The following ADORA2B variants were observed in gnomAD, a reference collection of about 807,000 sequenced individuals.
ADORA2B encodes the protein adenosine receptor A2b.
Under a neutral mutation model 20.8 loss-of-function variants are expected in ADORA2B, and 18 were observed. That is an observed-to-expected ratio of 0.87 (90% CI 0.60 to 1.29). ADORA2B has a LOEUF of 1.29. ADORA2B is among the 50% of genes most tolerant of loss of function. The probability of loss-of-function intolerance (pLI) is 0.00; values close to 1 mark genes in which losing one functional copy is unlikely to be tolerated. For synonymous variants in ADORA2B, 179 were observed against 178.3 expected (o/e 1.00, Z -0.03); for missense variants, 441 against 422.7 (o/e 1.04, Z -0.38).
At chr17:15,941,605 G>A (rs937665532), upstream of ADORA2B, among the ~76,000 whole-genome samples, 1 of 151,970 alleles carries the variant, frequency 6.6e-6, no homozygotes, top group African/African-American at 2.4e-5. Flanking sequence ...GTGTGCACCT[G>A]TAGTCCTAGC....
the ADORA2B span, chr17:15,864,232 G>T: frequency 6.6e-6 from 1 of 152,250 alleles, no homozygotes; most frequent in African/African-American, 2.4e-5. Flanking sequence ...TTCCATGTGT[G>T]CCTGTGCTTG....
the ADORA2B span, among the ~76,000 whole-genome samples, chr17:15,854,304 G>A: frequency 1.3e-5 from 2 of 152,168 alleles, no homozygotes; most frequent in African/African-American, 2.4e-5. Flanking sequence ...TTCGAGGAAT[G>A]CAAGGTGGTT....
At chr17:15,859,587 C>T in the ADORA2B span, among the ~76,000 whole-genome samples, 1 of 151,642 alleles carries the variant, frequency 6.6e-6, no homozygotes, top group Non-Finnish European at 1.5e-5. Context: ...TCCAGTTTCC[C>T]CTATAACTAT....
At chr17:15,857,013 A>G in the ADORA2B span, among the ~76,000 whole-genome samples, 4,611 of 152,326 alleles carry the variant, frequency 0.03, 224 homozygotes, top group African/African-American at 0.1. Flanking sequence ...TCACAGGCCC[A>G]GTGACCTAGG....
At chr17:15,854,609 G>A in the ADORA2B span, among the ~76,000 whole-genome samples, 1 of 152,160 alleles carries the variant, frequency 6.6e-6, no homozygotes, top group Admixed American at 6.5e-5. Context: ...CATTTCAAAA[G>A]CAAGATATAA....
the ADORA2B span, among the ~76,000 whole-genome samples, chr17:15,915,756 CTACCTTTTGGT>C: frequency 0.22 from 33,038 of 152,062 alleles, 3,914 homozygotes; most frequent in Non-Finnish European, 0.27. Flanking sequence ...AAATATTCCT[CTACCTTTTGGT>C]TATATTTAAG....
intron 1 of ADORA2B, among the ~76,000 whole-genome samples, chr17:15,952,788 G>T (rs1447847493): frequency 6.6e-6 from 1 of 152,188 alleles, no homozygotes; most frequent in African/African-American, 2.4e-5. Flanking sequence ...TCGGATTGGG[G>T]AACTGAGGCC....
At chr17:15,924,546 A>G in the ADORA2B span, among the ~76,000 whole-genome samples, 2 of 152,128 alleles carry the variant, frequency 1.3e-5, no homozygotes, top group African/African-American at 4.8e-5. Flanking sequence ...CCTCGCTAAC[A>G]TGGTGAAACC....
At chr17:15,917,468 C>G in the ADORA2B span, among the ~76,000 whole-genome samples, 1 of 152,242 alleles carries the variant, frequency 6.6e-6, no homozygotes, top group Non-Finnish European at 1.5e-5. Flanking sequence ...TGCGGCCGCC[C>G]ATCCTGGGAC....
chr17:15,955,720 CTT>C (rs150614152), intron 1 of ADORA2B, among the ~76,000 whole-genome samples: 70 of 119,804 alleles, frequency 5.8e-4, no homozygotes, highest in African/African-American at 1.3e-3. Flanking sequence ...CTCTGGGATT[CTT>C]TTTTTTTTTT....
At chr17:15,895,126 GACCATCC>G in the ADORA2B span, among the ~76,000 whole-genome samples, 1 of 151,978 alleles carries the variant, frequency 6.6e-6, no homozygotes, top group African/African-American at 2.4e-5. Flanking sequence ...ATTAGATGAG[GACCATCC>G]ACATGATTAG....
chr17:15,892,292 C>G, the ADORA2B span, among the ~76,000 whole-genome samples: 5 of 152,286 alleles, frequency 3.3e-5, no homozygotes, highest in East Asian at 9.6e-4. Context: ...CCTCAGCCTT[C>G]TGAGTAGCTG....
the ADORA2B span, among the ~76,000 whole-genome samples, chr17:15,930,273 G>A: frequency 8.1e-5 from 12 of 148,500 alleles, no homozygotes; most frequent in Non-Finnish European, 4.5e-5. Flanking sequence ...ACTACAATTG[G>A]TTTATGTGTC....
Position 15,974,686 on chromosome 17 carries a change from AG to A in ADORA2B, c.344del (p.Ser115IlefsTer24). ...TGGTATTCTTTTAAACAGGTATAAA[AG>A]TTTGGTCACGGGGACCCGAGCAAGA... Reference protein sequence around the residue: ...LAICVPLRYKSLVTGTRARGV... With the variant: ...LAICVPLRYKXLVTGTRARGV... On this transcript the variant is annotated frameshift_variant, in exon 2 of 2. Coordinates refer to ENST00000304222, the MANE Select transcript of ADORA2B (RefSeq NM_000676.4). LOFTEE classifies it high-confidence loss of function. The A allele has an allele frequency of 6.2e-7, 1 of 1,612,900 alleles. No individual in the cohort carries two copies. Among genetic ancestry groups the A allele is most frequent in the South Asian group, 1.1e-5 (1 of 91,022 alleles).
At chr17:15,912,208 C>G in the ADORA2B span, among the ~76,000 whole-genome samples, 20 of 130,050 alleles carry the variant, frequency 1.5e-4, no homozygotes, top group African/African-American at 4.6e-4. Flanking sequence ...GAATAAGACT[C>G]TGTCTCAAAA....
upstream of ADORA2B, among the ~76,000 whole-genome samples, chr17:15,942,159 G>A (rs1009562051): frequency 6.6e-6 from 1 of 152,156 alleles, no homozygotes; most frequent in Non-Finnish European, 1.5e-5. Flanking sequence ...ATCTCATGCT[G>A]AAATGTAATC....
At chr17:15,885,689 G>A in the ADORA2B span, among the ~76,000 whole-genome samples, 6 of 150,626 alleles carry the variant, frequency 4.0e-5, no homozygotes, top group African/African-American at 1.5e-4. Context: ...ACTCCAGCCT[G>A]GACAACAGAG....
chr17:15,911,330 T>C, the ADORA2B span, among the ~76,000 whole-genome samples: 3 of 152,246 alleles, frequency 2.0e-5, no homozygotes, highest in Non-Finnish European at 2.9e-5. Flanking sequence ...GAAAGTAATA[T>C]CCCAAGTGGT....
In ADORA2B at chr17:15,955,340, C is replaced by G. The variant is rs926910072; in HGVS notation, c.335+9757C>G. Among the ~76,000 whole-genome samples, 4 of 151,894 alleles carry G rather than the reference C, an allele frequency of 2.6e-5. No individual in the cohort carries two copies. The East Asian group carries it at 5.8e-4, about 22-fold the overall frequency. On this transcript the variant is annotated intron_variant, in intron 1 of 1. Coordinates refer to ENST00000304222, the MANE Select transcript of ADORA2B (RefSeq NM_000676.4). ...GTATACCAAGTGAAAACTGTATTTTCTTAATTAATTCCTTATCTCCATTTC... is the reference window on the plus strand; with the variant it reads ...GTATACCAAGTGAAAACTGTATTTTGTTAATTAATTCCTTATCTCCATTTC...
Sources: gnomAD v4.1 joint callset for allele counts (sites outside exome capture counted in the v4.1 genomes callset) on GRCh38, gnomAD v4.1.1 for gene constraint, MANE v1.5 for transcripts, NCBI Gene and HGNC (gene_info 2026-07-23, HGNC 2026-07-21) for gene names.